ULK4: variants seen among roughly 807,000 people sequenced by gnomAD.
ULK4 encodes unc-51 like kinase 4, also known as inactive serine/threonine-protein kinase ULK4.
Under a neutral mutation model 160.6 loss-of-function variants are expected in ULK4, and 133 were observed. That is an observed-to-expected ratio of 0.83 (90% CI 0.72 to 0.96). ULK4 has a LOEUF of 0.96. ULK4 is among the 40% of genes least tolerant of loss of function. The probability of loss-of-function intolerance (pLI) is 0.00; values close to 1 mark genes in which losing one functional copy is unlikely to be tolerated. For synonymous variants in ULK4, 534 were observed against 539.8 expected, an observed-to-expected ratio of 0.99 and a Z score of 0.15; for missense variants, 1,580 against 1,499.5, an observed-to-expected ratio of 1.05 and a Z score of -0.89.
chr3:41,825,903 C>G (rs377358463), intron 18 of ULK4, among the ~76,000 whole-genome samples: 1 of 152,096 alleles, frequency 6.6e-6, no homozygotes, highest in South Asian at 2.1e-4. Context: ...TAAGGGCAGC[C>G]AGAGAGAAAG....
rs372796265 is a variant in ULK4, at chr3:41,311,755, C to T, written c.3679-62181G>A. 2.2e-4 allele frequency among the ~76,000 whole-genome samples: 33 copies of T among 151,112 alleles called. No homozygotes were observed. The East Asian group carries it at 4.5e-3, about 21-fold the overall frequency. ...GGCTAATTTTTTGCATTTTTAGTAG[C>T]GACAGGGTTTCCCCATGTTAGTTAG... is the stretch of plus-strand genomic sequence containing the variant. On this transcript the variant is annotated intron_variant, in intron 35 of 36. Transcript: ENST00000301831.
chr3:41,301,441 C>G (rs758260824), intron 35 of ULK4, among the ~76,000 whole-genome samples: 2 of 152,114 alleles, frequency 1.3e-5, no homozygotes, highest in Non-Finnish European at 2.9e-5. Context: ...TGATATAACA[C>G]GTGAGCACTA....
chr3:41,279,532 AG>A (rs928211422), intron 35 of ULK4, among the ~76,000 whole-genome samples: 10 of 150,536 alleles, frequency 6.6e-5, no homozygotes, highest in Admixed American at 2.7e-4. Flanking sequence ...GTTGAAATGA[AG>A]GAAAAAATGT....
intron 30 of ULK4, 120 bp from the exon 31 acceptor site, chr3:41,615,837 G>C: frequency 1.1e-6 from 1 of 891,142 alleles, no homozygotes; most frequent in Non-Finnish European, 1.7e-6. Flanking sequence ...ATAAGAAATA[G>C]TATGATTAAA....
chr3:41,766,799 T>C (rs906883211), intron 21 of ULK4: 8 of 152,190 alleles, frequency 5.3e-5, no homozygotes, highest in African/African-American at 1.9e-4. Context: ...AGGGCTTTGG[T>C]TGGGACACAC....
chr3:41,373,381 T>G (rs1026547609), intron 35 of ULK4, among the ~76,000 whole-genome samples: 10 of 152,128 alleles, frequency 6.6e-5, no homozygotes, highest in Admixed American at 4.6e-4. Flanking sequence ...GACCACATAA[T>G]TGGAAGTAAA....
intron 32 of ULK4, among the ~76,000 whole-genome samples, chr3:41,524,289 A>C (rs570665652): frequency 5.1e-4 from 78 of 152,334 alleles, no homozygotes; most frequent in African/African-American, 1.8e-3. Context: ...CTATTTTTTA[A>C]ATTAAAGCAG....
intron 29 of ULK4, among the ~76,000 whole-genome samples, chr3:41,672,780 T>C (rs1258654234): frequency 6.6e-6 from 1 of 152,178 alleles, no homozygotes; most frequent in Admixed American, 6.5e-5. Context: ...CATTACACAT[T>C]CCATGCATGG....
intron 16 of ULK4, among the ~76,000 whole-genome samples, chr3:41,888,693 G>A (rs1371379827): frequency 1.3e-5 from 2 of 152,190 alleles, no homozygotes; most frequent in African/African-American, 2.4e-5. Flanking sequence ...TTCCTACAGT[G>A]AGCAATCCAC....
In ULK4 at chr3:41,900,716, T is replaced by C; in HGVS notation, c.1287+9A>G. ...TCTACAACTCAGTTGTTAGAGTGTC[T>C]TTCTGCACCTTTGGATTGTCGATAA... On this transcript the variant is annotated intron_variant, in intron 13 of 36. Transcript: ENST00000301831. The C allele has an allele frequency of 1.2e-6, 2 of 1,609,884 alleles. No homozygotes were observed. The highest frequency in any genetic ancestry group is 1.1e-5 in the South Asian group (1 of 90,556).
At chr3:41,806,157 T>A (rs1238046290) in intron 19 of ULK4, among the ~76,000 whole-genome samples, 1 of 147,900 alleles carries the variant, frequency 6.8e-6, no homozygotes, top group Admixed American at 6.7e-5. Flanking sequence ...TGCCACAATT[T>A]CAGAGCCTGT....
chr3:41,389,932 G>A (rs2081915082), intron 35 of ULK4, among the ~76,000 whole-genome samples: 1 of 152,128 alleles, frequency 6.6e-6, no homozygotes, highest in Non-Finnish European at 1.5e-5. Context: ...AATTGGAATA[G>A]TTTCAGAAGG....
intron 22 of ULK4, among the ~76,000 whole-genome samples, chr3:41,720,528 C>T: frequency 6.6e-6 from 1 of 151,952 alleles, no homozygotes; most frequent in Admixed American, 6.5e-5. Context: ...TATGTACACA[C>T]ACACATGCAT....
intron 30 of ULK4, among the ~76,000 whole-genome samples, chr3:41,636,427 G>C (rs1441940234): frequency 6.6e-6 from 1 of 152,024 alleles, no homozygotes; most frequent in Admixed American, 6.5e-5. Context: ...CCAGCTACTT[G>C]GGAGGCTGAG....
chr3:41,925,627 G>C (rs546416774), intron 5 of ULK4, among the ~76,000 whole-genome samples: 6 of 152,158 alleles, frequency 3.9e-5, no homozygotes, highest in African/African-American at 1.4e-4. Flanking sequence ...CCACCCCCAC[G>C]GAGCCCAGCA....
At chr3:41,384,498 T>C (rs1199182022) in intron 35 of ULK4, among the ~76,000 whole-genome samples, 2 of 152,164 alleles carry the variant, frequency 1.3e-5, no homozygotes, top group Non-Finnish European at 2.9e-5. Context: ...AAGACCAGCC[T>C]GGGCAATATA....
At chr3:41,432,246 G>C (rs1016859553) in intron 34 of ULK4, among the ~76,000 whole-genome samples, 1 of 152,036 alleles carries the variant, frequency 6.6e-6, no homozygotes, top group African/African-American at 2.4e-5. Flanking sequence ...TTGAAATAGA[G>C]ACTTTAAAGA....
intron 31 of ULK4, among the ~76,000 whole-genome samples, chr3:41,589,720 C>A: frequency 6.6e-6 from 1 of 151,946 alleles, no homozygotes; most frequent in Non-Finnish European, 1.5e-5. Flanking sequence ...TTATTGCCTA[C>A]CAGAAAAAAA....
At chr3:41,457,514 C>T (rs77574535) in intron 33 of ULK4, among the ~76,000 whole-genome samples, 1,614 of 152,278 alleles carry the variant, frequency 0.011, 16 homozygotes, top group Non-Finnish European at 0.016. Context: ...AAATTCCACT[C>T]TCCCCACAAA....
Sources: allele counts gnomAD v4.1 joint callset (sites outside exome capture counted in the v4.1 genomes callset), GRCh38; gene constraint gnomAD v4.1.1; transcripts MANE v1.5; gene names NCBI Gene and HGNC (gene_info 2026-07-23, HGNC 2026-07-21).